Variants in ESYT2 observed in about 807,000 individuals in gnomAD.
The protein encoded by ESYT2 is extended synaptotagmin-2.
In ESYT2, 54 loss-of-function variants were observed where a neutral mutation model predicts 107.2. The ratio of observed to expected loss-of-function variants is 0.50; its 90% confidence interval spans 0.40 to 0.63. ESYT2 has a LOEUF of 0.63. Ranked by LOEUF, ESYT2 falls within the 30% of genes least tolerant of loss-of-function variation. The pLI is 0.00. For missense variants in ESYT2, 1,020 were observed against 1,094.5 expected (o/e 0.93, Z 0.96); for synonymous variants, 491 against 434.1 (o/e 1.13, Z -1.63).
At chr7:158,791,688 T>C (rs1839297987) in intron 4 of ESYT2, among the ~76,000 whole-genome samples, 1 of 152,244 alleles carries the variant, frequency 6.6e-6, no homozygotes, top group African/African-American at 2.4e-5. Context: ...TCAGTATCTT[T>C]CCATGTGCTT....
chr7:158,793,766 A>T (rs773531150), intron 3 of ESYT2, 40 bp from the exon 4 acceptor site: 86 of 1,461,980 alleles, frequency 5.9e-5, no homozygotes, highest in Non-Finnish European at 7.7e-5. Flanking sequence ...ACAGAGGTTA[A>T]AAAAAAAAAT....
intron 6 of ESYT2, among the ~76,000 whole-genome samples, chr7:158,786,054 G>C (rs2129473145): frequency 6.6e-6 from 1 of 152,188 alleles, no homozygotes; most frequent in South Asian, 2.1e-4. Flanking sequence ...CTTTTCACTG[G>C]AGTACGTTTG....
chr7:158,828,281 T>C lies in ESYT2; in HGVS notation c.330+808A>G, dbSNP rs1273937160. Among the ~76,000 whole-genome samples the C allele has an allele frequency of 2.0e-5, 3 of 152,332 alleles. No individual in the cohort carries two copies. The East Asian group carries it at 5.8e-4, about 29-fold the overall frequency. On this transcript the variant is annotated intron_variant, in intron 1 of 22. Coordinates refer to ENST00000275418, the MANE Select transcript of ESYT2 (RefSeq NM_001367773.1). ...CCCCACCAGCTGTCATTACGTTTTT[T>C]AAAAAACAGAGAGAAGGAAAAGCTG...
intron 21 of ESYT2, 55 bp downstream of exon 21, chr7:158,735,448 A>T (rs982729379): frequency 2.0e-6 from 3 of 1,477,472 alleles, no homozygotes; most frequent in Non-Finnish European, 2.8e-6. Flanking sequence ...CACTGCAGGT[A>T]AATGTTCAAT....
intron 20 of ESYT2, among the ~76,000 whole-genome samples, chr7:158,736,161 T>TG (rs1836939893): frequency 8.2e-6 from 1 of 122,118 alleles, no homozygotes; most frequent in African/African-American, 3.4e-5. Flanking sequence ...GCCACCGTGC[T>TG]GGGGGGCAAG....
At position 158,747,362 on chromosome 7, in the gene ESYT2, T is replaced by TA. The variant is rs111844667; in HGVS notation, c.1644+831dup. 6.0e-3 allele frequency among the ~76,000 whole-genome samples: 859 copies of TA among 144,288 alleles called. 4 individuals are homozygous for TA. Among genetic ancestry groups the TA allele is most frequent in the African/African-American group, 0.02 (773 of 39,134 alleles). 94.7% of individuals were successfully genotyped at this position (144,288 alleles called of 152,430 possible). On this transcript the variant is annotated intron_variant, in intron 16 of 22. Coordinates refer to ENST00000275418, the MANE Select transcript of ESYT2 (RefSeq NM_001367773.1). ...CTTCATCTCAGAAAGAATGAAACAT[T>TA]AAAAAAAAAACCCCAAACGTCTTAC... is the stretch of plus-strand genomic sequence containing the variant.
intron 6 of ESYT2, among the ~76,000 whole-genome samples, chr7:158,786,825 C>T (rs1839131267): frequency 6.6e-6 from 1 of 152,180 alleles, no homozygotes; most frequent in Admixed American, 6.5e-5. Flanking sequence ...AAGGACTCAT[C>T]AATGGCACAT....
At chr7:158,806,327 T>A (rs1408887762) in intron 1 of ESYT2, among the ~76,000 whole-genome samples, 1 of 152,364 alleles carries the variant, frequency 6.6e-6, no homozygotes, top group East Asian at 1.9e-4. Context: ...ATACCTTTCA[T>A]AACAAAGCTG....
intron 1 of ESYT2, among the ~76,000 whole-genome samples, chr7:158,799,739 C>T (rs954087971): frequency 3.9e-5 from 6 of 152,304 alleles, no homozygotes; most frequent in Middle Eastern, 3.4e-3. Context: ...GGCTCCTCTC[C>T]ATACCATCAT....
At chr7:158,797,823 C>CA in intron 3 of ESYT2, 119 bp downstream of exon 3, 1 of 1,358,570 alleles carries the variant, frequency 7.4e-7, no homozygotes, top group Non-Finnish European at 9.9e-7. Flanking sequence ...CACTGCACTC[C>CA]AGCCTGGGCA....
intron 6 of ESYT2, among the ~76,000 whole-genome samples, chr7:158,784,341 G>A (rs1049246461): frequency 2.6e-5 from 4 of 152,358 alleles, no homozygotes; most frequent in Non-Finnish European, 4.4e-5. Flanking sequence ...ATGGGCTTCA[G>A]GGAGCCCTGT....
At chr7:158,798,988 C>T (rs1484628406) in intron 2 of ESYT2, 43 bp downstream of exon 2, 8 of 1,566,314 alleles carry the variant, frequency 5.1e-6, no homozygotes, top group Non-Finnish European at 7.0e-6. Context: ...ATCTCATCCT[C>T]CAATTCCACT....
Position 158,731,480 on chromosome 7 carries a change from T to A in ESYT2, c.*2727A>T, listed in dbSNP as rs900439068. 2 of 152,246 alleles carry A rather than the reference T, an allele frequency of 1.3e-5. No homozygotes were observed. The highest frequency in any genetic ancestry group is 2.4e-5 in the African/African-American group (1 of 41,442). The allele number at this position is 152,246 out of a possible 1,614,324, so 9.4% of individuals were successfully genotyped here. On this transcript the variant is annotated 3_prime_UTR_variant, in exon 23 of 23. Coordinates refer to ENST00000275418, the MANE Select transcript of ESYT2 (RefSeq NM_001367773.1). Reference sequence around the variant, plus strand: ...CACCACCACGCCCGGCTAATTTTTGTATTTTTAGTAAAGATGGGGTTTCTC... The same window carrying A: ...CACCACCACGCCCGGCTAATTTTTGAATTTTTAGTAAAGATGGGGTTTCTC...
At chr7:158,757,766 TTG>T (rs1837816371) in intron 13 of ESYT2, among the ~76,000 whole-genome samples, 2 of 151,558 alleles carry the variant, frequency 1.3e-5, no homozygotes, top group Non-Finnish European at 2.9e-5. Context: ...TTTTTTTTTT[TTG>T]TTTTTTGTTT....
chr7:158,776,967 T>A (rs185201944), intron 6 of ESYT2, among the ~76,000 whole-genome samples: 2 of 151,684 alleles, frequency 1.3e-5, no homozygotes, highest in Non-Finnish European at 2.9e-5. Context: ...ATTCTCCTGC[T>A]TCAGCCTCCC....
At chr7:158,744,484 T>A (rs1315584941) in intron 16 of ESYT2, among the ~76,000 whole-genome samples, 2 of 152,156 alleles carry the variant, frequency 1.3e-5, no homozygotes, top group Non-Finnish European at 2.9e-5. Flanking sequence ...TTTTAAGCCT[T>A]CTCCATTCAA....
intron 13 of ESYT2, among the ~76,000 whole-genome samples, chr7:158,756,883 T>C (rs1837773711): frequency 7.5e-6 from 1 of 132,704 alleles, no homozygotes; most frequent in Admixed American, 8.7e-5. Context: ...CACTCCAGCC[T>C]GGGCAAGAAG....
intron 15 of ESYT2, among the ~76,000 whole-genome samples, chr7:158,749,052 T>C (rs1837500959): frequency 1.3e-5 from 2 of 152,220 alleles, no homozygotes; most frequent in African/African-American, 4.8e-5. Flanking sequence ...ATTGTTCCCA[T>C]GTGTCTACTC....
At chr7:158,778,842 C>T (rs1223312417) in intron 6 of ESYT2, among the ~76,000 whole-genome samples, 1 of 151,332 alleles carries the variant, frequency 6.6e-6, no homozygotes, top group African/African-American at 2.4e-5. Flanking sequence ...GACTGGCTGG[C>T]TTCACTTTTT....
Sources: allele counts gnomAD v4.1 joint callset (sites outside exome capture counted in the v4.1 genomes callset), GRCh38; gene constraint gnomAD v4.1.1; transcripts MANE v1.5; gene names NCBI Gene and HGNC (gene_info 2026-07-23, HGNC 2026-07-21).